PTPRD: variants seen among roughly 807,000 people sequenced by gnomAD.
The protein encoded by PTPRD is receptor-type tyrosine-protein phosphatase delta.
A neutral mutation model predicts 214.5 loss-of-function variants in PTPRD; 34 were observed. The observed-to-expected ratio is 0.16, with a 90% CI of 0.12 to 0.21. PTPRD has a LOEUF of 0.21. Among genes scored for constraint, PTPRD ranks in the 10% least tolerant of loss-of-function variants. PTPRD has a pLI of 1.00. For synonymous variants in PTPRD, 1,128 were observed against 845.7 expected (o/e 1.33, Z -5.79); for missense variants, 2,545 against 2,398.7 (o/e 1.06, Z -1.27).
intron 11 of PTPRD, among the ~76,000 whole-genome samples, chr9:8,951,456 G>C (rs1002164255): frequency 6.6e-6 from 1 of 151,156 alleles, no homozygotes; most frequent in Admixed American, 6.6e-5. Context: ...TTAACTTCAA[G>C]CACTGAACTT....
intron 3 of PTPRD, among the ~76,000 whole-genome samples, chr9:10,228,743 T>C (rs2099597630): frequency 1.3e-5 from 2 of 149,462 alleles, no homozygotes; most frequent in African/African-American, 4.9e-5. Flanking sequence ...ATATGTTATA[T>C]AATATATAAC....
intron 8 of PTPRD, among the ~76,000 whole-genome samples, chr9:9,494,111 A>C (rs1472162368): frequency 6.6e-6 from 1 of 152,176 alleles, no homozygotes; most frequent in Admixed American, 6.5e-5. Flanking sequence ...TGGAAGATGT[A>C]ACTGAACTGC....
chr9:10,044,371 C>G (rs1406515514), intron 3 of PTPRD, among the ~76,000 whole-genome samples: 2 of 151,590 alleles, frequency 1.3e-5, no homozygotes, highest in African/African-American at 4.8e-5. Context: ...AGCCTTTGTT[C>G]TGATTTACTG....
intron 5 of PTPRD, among the ~76,000 whole-genome samples, chr9:9,895,888 T>C (rs2074827177): frequency 6.6e-6 from 1 of 152,132 alleles, no homozygotes; most frequent in Admixed American, 6.6e-5. Context: ...ACGAAGGTGA[T>C]GAATAAAGTC....
At chr9:9,041,921 C>G (rs1257159392) in intron 10 of PTPRD, among the ~76,000 whole-genome samples, 1 of 152,154 alleles carries the variant, frequency 6.6e-6, no homozygotes, top group Non-Finnish European at 1.5e-5. Context: ...CTCTAAAACA[C>G]AAGAAGTTAA....
At chr9:9,168,612 C>T (rs1368268727) in intron 10 of PTPRD, among the ~76,000 whole-genome samples, 5 of 151,876 alleles carry the variant, frequency 3.3e-5, no homozygotes, top group East Asian at 1.9e-4. Flanking sequence ...GTTTAAAAAA[C>T]GATTTTTTTG....
intron 12 of PTPRD, among the ~76,000 whole-genome samples, chr9:8,687,789 C>T (rs2097714332): frequency 6.6e-6 from 1 of 151,138 alleles, no homozygotes; most frequent in South Asian, 2.1e-4. Flanking sequence ...GTAAGTTTCA[C>T]ATTTTATATA....
At chr9:8,975,273 T>C (rs1263322409) in intron 11 of PTPRD, among the ~76,000 whole-genome samples, 1 of 152,084 alleles carries the variant, frequency 6.6e-6, no homozygotes, top group African/African-American at 2.4e-5. Context: ...GATGATGTTA[T>C]TGATTCCTAA....
chr9:9,131,893 G>A (rs1434370557), intron 10 of PTPRD, among the ~76,000 whole-genome samples: 1 of 151,850 alleles, frequency 6.6e-6, no homozygotes, highest in South Asian at 2.1e-4. Flanking sequence ...GTGAAATAAG[G>A]CTTTTCATGC....
chr9:8,320,833 TAAG>T (rs973625121), intron 44 of PTPRD, among the ~76,000 whole-genome samples: 26 of 152,170 alleles, frequency 1.7e-4, no homozygotes, highest in Admixed American at 6.6e-4. Flanking sequence ...CTTGTGCACT[TAAG>T]GAGGAAAGCA....
chr9:10,166,257 A>T (rs1564261350), intron 3 of PTPRD, among the ~76,000 whole-genome samples: 1 of 150,178 alleles, frequency 6.7e-6, no homozygotes, highest in East Asian at 1.9e-4. Flanking sequence ...AAAAAAAAAA[A>T]CAAAACACTC....
intron 10 of PTPRD, among the ~76,000 whole-genome samples, chr9:9,128,791 C>T (rs945143060): frequency 4.6e-5 from 7 of 152,150 alleles, no homozygotes; most frequent in East Asian, 1.9e-4. Context: ...CTGTGGCTAA[C>T]GCTGCCCACA....
At chr9:8,661,732 CTG>C (rs1224711222) in intron 12 of PTPRD, among the ~76,000 whole-genome samples, 5 of 151,516 alleles carry the variant, frequency 3.3e-5, no homozygotes, top group Admixed American at 6.6e-5. Context: ...ACAGTTATTT[CTG>C]TGTTTGTGTT....
At chr9:9,017,122 A>G (rs1404077180) in intron 11 of PTPRD, among the ~76,000 whole-genome samples, 2 of 152,034 alleles carry the variant, frequency 1.3e-5, no homozygotes, top group African/African-American at 2.4e-5. Flanking sequence ...CATCGCAACA[A>G]AGACCCTTTG....
chr9:8,417,157 C>G (rs1036473438), intron 35 of PTPRD, among the ~76,000 whole-genome samples: 2 of 152,106 alleles, frequency 1.3e-5, no homozygotes, highest in African/African-American at 4.8e-5. Flanking sequence ...TAATGAAAGA[C>G]AAGCCACAGC....
intron 14 of PTPRD, among the ~76,000 whole-genome samples, chr9:8,572,122 T>C (rs1473592620): frequency 6.6e-6 from 1 of 152,160 alleles, no homozygotes; most frequent in African/African-American, 2.4e-5. Flanking sequence ...AGAGCTCATT[T>C]AATATTAAAT....
chr9:8,486,268 A>T lies in PTPRD; in HGVS notation c.2549T>A (p.Phe850Tyr), dbSNP rs919912664. Residue 850 changes from phenylalanine to tyrosine, a missense_variant, in exon 28 of 46, where the codon TTT becomes TAT. Physicochemically the swap from Phe to Tyr is conservative, Grantham distance 22. Coordinates refer to ENST00000381196, the MANE Select transcript of PTPRD (RefSeq NM_002839.4). ...LIQWHPPVDTFGPLQGYRLKF... is the reference protein window; with the variant it reads ...LIQWHPPVDTYGPLQGYRLKF... ...TAGACGGTAGCCCTGAAGAGGTCCA[A>T]ATGTGTCCACCGGAGGGTGCCACTG... The T allele has an allele frequency of 6.2e-7, 1 of 1,614,198 alleles. No homozygotes were observed.
intron 7 of PTPRD, among the ~76,000 whole-genome samples, chr9:9,730,395 T>C (rs148587419): frequency 1.3e-5 from 2 of 152,198 alleles, no homozygotes; most frequent in East Asian, 1.9e-4. Flanking sequence ...AGTGGGTTTC[T>C]ATAGATTTTG....
chr9:9,040,645 G>C (rs1590305484), intron 10 of PTPRD, among the ~76,000 whole-genome samples: 1 of 152,032 alleles, frequency 6.6e-6, no homozygotes, highest in East Asian at 1.9e-4. Flanking sequence ...AATCATTGTA[G>C]CAAGAACATA....
Sources: allele counts gnomAD v4.1 joint callset (sites outside exome capture counted in the v4.1 genomes callset), GRCh38; gene constraint gnomAD v4.1.1; transcripts MANE v1.5; gene names NCBI Gene and HGNC (gene_info 2026-07-23, HGNC 2026-07-21).